ATG2B: variants seen among roughly 807,000 people sequenced by gnomAD.
ATG2B encodes autophagy related 2B.
Under a neutral mutation model 241.3 loss-of-function variants are expected in ATG2B, and 121 were observed. The observed-to-expected ratio is 0.50, with a 90% confidence interval of 0.43 to 0.58. The LOEUF (loss-of-function observed/expected upper bound fraction) is 0.58, where lower values mean the gene tolerates loss of function less well. Among genes scored for constraint, ATG2B ranks in the 20% least tolerant of loss-of-function variants. The pLI, the probability that ATG2B is intolerant of heterozygous loss-of-function variation, is 0.00. For synonymous variants in ATG2B, 858 were observed against 876.6 expected, an observed-to-expected ratio of 0.98 and a Z score of 0.37; for missense variants, 2,306 against 2,491.6, an observed-to-expected ratio of 0.93 and a Z score of 1.59.
chr14:96,314,513 AC>A (rs1430023575), intron 23 of ATG2B, among the ~76,000 whole-genome samples: 1 of 152,224 alleles, frequency 6.6e-6, no homozygotes, highest in African/African-American at 2.4e-5. Flanking sequence ...GCAATTCAAC[AC>A]ACCATTCACT....
chr14:96,330,667 G>T (rs530842880), intron 11 of ATG2B, among the ~76,000 whole-genome samples: 1 of 152,322 alleles, frequency 6.6e-6, no homozygotes, highest in African/African-American at 2.4e-5. Flanking sequence ...AGGAGGCTGA[G>T]GCTGCAGAAT....
At position 96,302,000 on chromosome 14, in the gene ATG2B, T is replaced by C. The variant is rs1886804600; in HGVS notation, c.5139+7A>G. On this transcript the variant is annotated splice_region_variant and intron_variant, in intron 34 of 41. Coordinates refer to ENST00000359933, the MANE Select transcript of ATG2B (RefSeq NM_018036.7). Reference sequence around the variant, plus strand: ...GTAACGGCAGGAATCACGCTCATGCTACAAACCTGGTCAATATTGAGGCGG... The same window carrying C: ...GTAACGGCAGGAATCACGCTCATGCCACAAACCTGGTCAATATTGAGGCGG... The C allele has an allele frequency of 4.3e-6, 7 of 1,609,470 alleles. No homozygotes were observed. Among genetic ancestry groups the C allele is most frequent in the Non-Finnish European group, 6.0e-6 (7 of 1,176,256 alleles).
rs752845532 is a variant in ATG2B, at chr14:96,333,752, A to G, written c.1143T>C (p.Ser381=). The change falls in exon 8 of 42, where the codon TCT becomes TCC. Residue 381 remains serine (S), a synonymous_variant. Transcript: ENST00000359933. ...AGCTTTGCTCTGAAGATACACCCAC[A>G]GAGAGGGAATCTTTTCTCAAATAAT... is the stretch of plus-strand genomic sequence containing the variant. The part of the protein sequence containing the change: ...NRYYLRKDSL[S]VGVSSEQSFY... 6.2e-7 allele frequency: 1 copy of G among 1,613,962 alleles called. No homozygotes were observed. The highest frequency in any genetic ancestry group is 2.2e-5 in the East Asian group (1 of 44,868).
rs1566719684 is a variant in ATG2B at position 96,308,247 on chromosome 14, T to TAC, written c.4303+1205_4303+1206insGT. Reference sequence around the variant, plus strand: ...ATATATATACATATATATATATATATATATACACACATATATATATATATA... The same window carrying TAC: ...ATATATATACATATATATATATATATACATATACACACATATATATATATATA... On this transcript the variant is annotated intron_variant, in intron 29 of 41. Coordinates refer to ENST00000359933, the MANE Select transcript of ATG2B (RefSeq NM_018036.7). 3.0e-3 allele frequency among the ~76,000 whole-genome samples: 40 copies of TAC among 13,302 alleles called. 2 individuals are homozygous for TAC. The highest frequency in any genetic ancestry group is 5.0e-3 in the Non-Finnish European group (28 of 5,650). 8.7% of individuals were successfully genotyped at this position (13,302 alleles called of 152,430 possible).
In ATG2B at chr14:96,362,889, G is replaced by C. The variant is rs1360413886; in HGVS notation, c.88C>G (p.Leu30Val). ...RYLGHFLQEK[L>V]SLEQLSLDLY... ...TCCAGGCTGAGCTGCTCCAGGCTCAGCTTCTCCTGCAGAAAGTGGCCCAGG... is the reference window on the plus strand; with the variant it reads ...TCCAGGCTGAGCTGCTCCAGGCTCACCTTCTCCTGCAGAAAGTGGCCCAGG... The change falls in exon 1 of 42, where the codon CTG (leucine) becomes GTG (valine). Residue 30 changes from leucine (L) to valine (V), a missense_variant. Physicochemically the swap from Leu to Val is conservative, Grantham distance 32. Transcript: ENST00000359933. 6.2e-7 allele frequency: 1 copy of C among 1,613,634 alleles called. No homozygotes were observed. The highest frequency in any genetic ancestry group is 8.5e-7 in the Non-Finnish European group (1 of 1,180,018).
At chr14:96,362,699 C>T in intron 1 of ATG2B, 116 bp downstream of exon 1, 1 of 1,026,530 alleles carries the variant, frequency 9.7e-7, no homozygotes, top group Non-Finnish European at 1.4e-6. Flanking sequence ...GTGTCACACT[C>T]GGGTCCAAAC....
At chr14:96,293,842 T>C (rs187531782) in intron 36 of ATG2B, among the ~76,000 whole-genome samples, 13 of 152,222 alleles carry the variant, frequency 8.5e-5, no homozygotes, top group Admixed American at 8.5e-4. Flanking sequence ...GTAACCCTAC[T>C]TCCTCTGGGC....
rs1437507014 is a variant in ATG2B, at chr14:96,289,355, T to C, written c.6006+301A>G. 4.1e-6 allele frequency: 1 copy of C among 243,480 alleles called. No individual in the cohort carries two copies. Among genetic ancestry groups the C allele is most frequent in the East Asian group, 9.3e-5 (1 of 10,696 alleles). The allele number at this position is 243,480 out of a possible 1,614,324, so 15.1% of individuals were successfully genotyped here. On this transcript the variant is annotated intron_variant, in intron 41 of 41. Transcript: ENST00000359933. The surrounding 1 kb of genome is among the most constrained non-coding windows in gnomAD (Gnocchi z 4.3). ...TGAGGTAAGCAGGGCAGAGTATAAA[T>C]GTGTTAAACCTAGACAGCGATCACA...
chr14:96,295,962 CT>C (rs1056361955), intron 34 of ATG2B, among the ~76,000 whole-genome samples: 7 of 150,466 alleles, frequency 4.7e-5, no homozygotes, highest in Admixed American at 1.3e-4. Context: ...GTGCTGGACA[CT>C]TTTTTTTTTG....
intron 1 of ATG2B, among the ~76,000 whole-genome samples, chr14:96,358,811 A>G (rs1053729301): frequency 6.6e-6 from 1 of 152,110 alleles, no homozygotes; most frequent in Non-Finnish European, 1.5e-5. Context: ...CTCTTAAACT[A>G]AAAGTGGAGA....
At chr14:96,310,745 C>T (rs1887127867) in intron 28 of ATG2B, among the ~76,000 whole-genome samples, 1 of 152,122 alleles carries the variant, frequency 6.6e-6, no homozygotes, top group African/African-American at 2.4e-5. Context: ...ATAAGTAAGT[C>T]TTCTGGTAAC....
At position 96,290,591 on chromosome 14, in the gene ATG2B, C is replaced by G. The variant is rs777809183; in HGVS notation, c.5702-1G>C. 1 of 1,613,780 alleles carries G rather than the reference C, an allele frequency of 6.2e-7. No homozygotes were observed. Among genetic ancestry groups the G allele is most frequent in the Non-Finnish European group, 8.5e-7 (1 of 1,179,808 alleles). ...CAGACCAAGTCCTTTAGGCCTTGTA[C>G]TACAACAGTCAACACAAAATCAACA... On this transcript the variant is annotated splice_acceptor_variant, in intron 39 of 41. Coordinates refer to ENST00000359933, the MANE Select transcript of ATG2B (RefSeq NM_018036.7). LOFTEE classifies it high-confidence loss of function. The surrounding 1 kb of genome is among the most constrained non-coding windows in gnomAD (Gnocchi z 4.4).
In ATG2B at chr14:96,290,934, A is replaced by G. The variant is rs1467290603; in HGVS notation, c.5581T>C (p.Leu1861=). The part of the protein sequence containing the change: ...KLKRLSYRHG[L]LGVDKLFSYA... Reference sequence around the variant, plus strand: ...GAGAATAATTTGTCAACGCCTAGTAAACTAGAGCAAATGATTATTAGTATG... The same window carrying G: ...GAGAATAATTTGTCAACGCCTAGTAGACTAGAGCAAATGATTATTAGTATG... Residue 1861 remains leucine (L), a splice_region_variant and synonymous_variant, in exon 39 of 42, where the codon TTA becomes CTA. Transcript: ENST00000359933. The surrounding 1 kb of genome is among the most constrained non-coding windows in gnomAD (Gnocchi z 4.4). The G allele has an allele frequency of 6.2e-7, 1 of 1,608,042 alleles. No individual in the cohort carries two copies. Among genetic ancestry groups the G allele is most frequent in the Non-Finnish European group, 8.5e-7 (1 of 1,177,382 alleles).
intron 33 of ATG2B, among the ~76,000 whole-genome samples, 194 bp downstream of exon 33, chr14:96,302,866 TA>T (rs1233098385): frequency 6.6e-6 from 1 of 152,206 alleles, no homozygotes; most frequent in Non-Finnish European, 1.5e-5. Flanking sequence ...CAATTAGAGT[TA>T]ATGGACCCTA....
intron 6 of ATG2B, among the ~76,000 whole-genome samples, chr14:96,337,185 G>A (rs147152581): frequency 4.6e-5 from 7 of 152,262 alleles, no homozygotes; most frequent in African/African-American, 1.7e-4. Flanking sequence ...ACAGGTAAGT[G>A]GCTGGCATGT....
chr14:96,326,486 T>C (rs551109040), intron 14 of ATG2B, among the ~76,000 whole-genome samples: 5 of 152,300 alleles, frequency 3.3e-5, no homozygotes, highest in Admixed American at 6.5e-5. Flanking sequence ...TCCAAGGGTA[T>C]GATCTCATCA....
intron 1 of ATG2B, among the ~76,000 whole-genome samples, chr14:96,349,340 G>A (rs1888253680): frequency 6.6e-6 from 1 of 152,354 alleles, no homozygotes; most frequent in East Asian, 1.9e-4. Context: ...GATCCAAAGA[G>A]CCTTGTAATG....
Position 96,290,548 on chromosome 14 carries a change from T to C in ATG2B, c.5744A>G (p.Tyr1915Cys). 6.2e-7 allele frequency: 1 copy of C among 1,614,204 alleles called. No homozygotes were observed. The change falls in exon 40 of 42, where the codon TAC (tyrosine) becomes TGC (cysteine). Residue 1915 changes from tyrosine to cysteine, a missense_variant. By Grantham distance (194) the Tyr-to-Cys change is radical (BLOSUM62 -2). Transcript: ENST00000359933. The surrounding 1 kb of genome is among the most constrained non-coding windows in gnomAD (Gnocchi z 4.4). ...KDLVWLPIEQ[Y>C]RKDGRIVRGF... The stretch of plus-strand genomic sequence containing the variant: ...TCTGACAATGCGGCCATCCTTCCGG[T>C]ACTGCTCTATTGGGAGCCAGACCAA...
chr14:96,345,488 G>C, intron 2 of ATG2B, 103 bp from the exon 3 acceptor site: 1 of 915,498 alleles, frequency 1.1e-6, no homozygotes, highest in East Asian at 3.0e-5. Flanking sequence ...AATCTTTTAA[G>C]AGATTTTTAA....
Sources: gnomAD v4.1 joint callset for allele counts (sites outside exome capture counted in the v4.1 genomes callset) on GRCh38, gnomAD v4.1.1 for gene constraint, Gnocchi (gnomAD v3.1) non-coding constraint, MANE v1.5 for transcripts, NCBI Gene and HGNC (gene_info 2026-07-23, HGNC 2026-07-21) for gene names.